Variants in GNG2 observed in about 807,000 individuals in gnomAD.
GNG2 encodes G protein subunit gamma 2.
GNG2 carries 5 observed loss-of-function variants against 5.5 expected under a neutral mutation model. The ratio of observed to expected loss-of-function variants is 0.91; its 90% CI spans 0.48 to 1.92. GNG2 has a LOEUF of 1.92. GNG2 is among the 30% of genes most tolerant of loss of function. The probability of loss-of-function intolerance (pLI) is 0.01; values close to 1 mark genes in which losing one functional copy is unlikely to be tolerated. For synonymous variants in GNG2, 28 were observed against 32.0 expected, an observed-to-expected ratio of 0.88 and a Z score of 0.42; for missense variants, 55 against 88.4, an observed-to-expected ratio of 0.62 and a Z score of 1.52.
In GNG2 at chr14:51,897,735, G is replaced by A. The variant is rs79252298; in HGVS notation, c.-30+20078G>A. 4.2e-3 allele frequency among the ~76,000 whole-genome samples: 638 copies of A among 152,286 alleles called. 2 individuals are homozygous for A. The highest frequency in any genetic ancestry group is 0.019 in the South Asian group (92 of 4,820). ...AGGAACTTATGTGATGGGAGGCTACGTGAACTTACGTGATGGCCAAGTAGA... is the reference window on the plus strand; with the variant it reads ...AGGAACTTATGTGATGGGAGGCTACATGAACTTACGTGATGGCCAAGTAGA... On this transcript the variant is annotated intron_variant, in intron 2 of 3. Coordinates refer to ENST00000556766, the MANE Select transcript of GNG2 (RefSeq NM_053064.5).
chr14:51,958,726 G>T (rs557346243), intron 3 of GNG2, among the ~76,000 whole-genome samples: 90 of 152,184 alleles, frequency 5.9e-4, no homozygotes, highest in Non-Finnish European at 1.0e-3. Flanking sequence ...GTTGGACCCT[G>T]CGTAGATGTT....
chr14:51,952,468 G>A (rs1169307146), intron 3 of GNG2, among the ~76,000 whole-genome samples: 1 of 152,202 alleles, frequency 6.6e-6, no homozygotes, highest in Non-Finnish European at 1.5e-5. Flanking sequence ...CCCATGGATT[G>A]TCAAATCAGA....
intron 2 of GNG2, among the ~76,000 whole-genome samples, chr14:51,851,335 T>C (rs545597863): frequency 6.6e-6 from 1 of 152,376 alleles, no homozygotes; most frequent in South Asian, 2.1e-4. Flanking sequence ...TGTAAATGCT[T>C]TGATCATAAG....
At chr14:51,903,129 A>G (rs953193384) in intron 2 of GNG2, among the ~76,000 whole-genome samples, 2 of 152,232 alleles carry the variant, frequency 1.3e-5, no homozygotes. Flanking sequence ...TTATAATAGT[A>G]AAAACTACAA....
At chr14:51,836,874 T>TTTG (rs1881345217) in intron 2 of GNG2, among the ~76,000 whole-genome samples, 2 of 125,010 alleles carry the variant, frequency 1.6e-5, no homozygotes, top group Non-Finnish European at 1.8e-5. Context: ...TTTTTTTTTT[T>TTTG]TGAGACAGAG....
intron 2 of GNG2, among the ~76,000 whole-genome samples, chr14:51,914,526 G>A (rs1253687): frequency 0.47 from 71,297 of 152,066 alleles, 16,901 homozygotes; most frequent in African/African-American, 0.48. Flanking sequence ...ATGAGGTGTC[G>A]GCAGTTTTGT....
chr14:51,962,796 A>C (rs964301429), intron 3 of GNG2, among the ~76,000 whole-genome samples: 1 of 152,212 alleles, frequency 6.6e-6, no homozygotes, highest in African/African-American at 2.4e-5. Context: ...GTTAGCAGGG[A>C]TTGTCAGAAA....
chr14:51,889,786 G>A (rs1884725672), intron 2 of GNG2, among the ~76,000 whole-genome samples: 2 of 152,286 alleles, frequency 1.3e-5, no homozygotes, highest in South Asian at 4.1e-4. Context: ...AGGTAGTTCA[G>A]TGCCGTACTG....
chr14:51,952,362 T>C (rs1433229429), intron 3 of GNG2, among the ~76,000 whole-genome samples: 2 of 152,228 alleles, frequency 1.3e-5, no homozygotes, highest in African/African-American at 4.8e-5. Context: ...GCCATCTTCC[T>C]CTTCTCCTCT....
intron 2 of GNG2, among the ~76,000 whole-genome samples, chr14:51,894,791 A>G (rs1885077035): frequency 1.3e-5 from 2 of 152,268 alleles, no homozygotes; most frequent in African/African-American, 4.8e-5. Context: ...CAAAACCTAC[A>G]GTACTTCTGT....
chr14:51,858,212 ATCCTGGCC>A (rs1253182687), upstream of GNG2, among the ~76,000 whole-genome samples: 4 of 52,034 alleles, frequency 7.7e-5, no homozygotes, highest in Non-Finnish European at 2.2e-4. Flanking sequence ...GGATTAATCT[ATCCTGGCC>A]AAGCTATACC....
chr14:51,917,982 T>G (rs1276924957), intron 2 of GNG2, among the ~76,000 whole-genome samples: 1 of 149,468 alleles, frequency 6.7e-6, no homozygotes, highest in African/African-American at 2.5e-5. Flanking sequence ...GCCGAGATCG[T>G]GTCACTGCAC....
chr14:51,881,402 C>T (rs1456702929), intron 2 of GNG2, among the ~76,000 whole-genome samples: 1 of 152,076 alleles, frequency 6.6e-6, no homozygotes, highest in Non-Finnish European at 1.5e-5. Context: ...TGACTCCCAG[C>T]GGTGGAGCAT....
intron 3 of GNG2, among the ~76,000 whole-genome samples, chr14:51,961,825 G>T (rs1405229701): frequency 1.3e-5 from 2 of 152,110 alleles, no homozygotes; most frequent in Non-Finnish European, 2.9e-5. Flanking sequence ...TATTTGAGAG[G>T]GAAGAATGCT....
chr14:51,917,808 A>G (rs1169358389), intron 2 of GNG2, among the ~76,000 whole-genome samples: 1 of 152,142 alleles, frequency 6.6e-6, no homozygotes, highest in Non-Finnish European at 1.5e-5. Flanking sequence ...AGGTGGGCGG[A>G]TCACCTGAGG....
At chr14:51,880,977 A>AC (rs35846208) in intron 2 of GNG2, among the ~76,000 whole-genome samples, 1,706 of 150,512 alleles carry the variant, frequency 0.011, 33 homozygotes, top group African/African-American at 0.04. Flanking sequence ...GAAAAAAAAA[A>AC]AAAAAAAAAA....
At chr14:51,886,409 G>A (rs1884462827) in intron 2 of GNG2, among the ~76,000 whole-genome samples, 1 of 152,128 alleles carries the variant, frequency 6.6e-6, no homozygotes, top group African/African-American at 2.4e-5. Flanking sequence ...TCCCATGAAT[G>A]TCAGTGTTTT....
intron 2 of GNG2, among the ~76,000 whole-genome samples, chr14:51,943,956 G>C (rs1888497603): frequency 1.3e-5 from 2 of 152,128 alleles, no homozygotes; most frequent in Non-Finnish European, 2.9e-5. Flanking sequence ...AATTCATATA[G>C]ATTCTCAAAG....
chr14:51,873,010 C>A (rs1883413757), intron 1 of GNG2, among the ~76,000 whole-genome samples: 1 of 152,102 alleles, frequency 6.6e-6, no homozygotes, highest in Admixed American at 6.5e-5. Flanking sequence ...TTATGAAATA[C>A]CTTAATTATT....
Sources: gnomAD v4.1 joint callset for allele counts (sites outside exome capture counted in the v4.1 genomes callset) on GRCh38, gnomAD v4.1.1 for gene constraint, MANE v1.5 for transcripts, NCBI Gene and HGNC (gene_info 2026-07-23, HGNC 2026-07-21) for gene names.